Variants in CACNA2D4 observed in about 807,000 individuals in gnomAD.
CACNA2D4 encodes the protein calcium voltage-gated channel auxiliary subunit alpha2delta 4, also known as voltage-dependent calcium channel subunit alpha-2/delta-4.
A neutral mutation model predicts 163.8 loss-of-function variants in CACNA2D4; 157 were observed. The observed-to-expected ratio is 0.96, with a 90% CI of 0.84 to 1.09. The LOEUF is 1.09. Ranked by LOEUF, CACNA2D4 falls within the 50% of genes least tolerant of loss-of-function variation. The pLI is 0.00. For missense variants in CACNA2D4, 1,410 were observed against 1,479.9 expected (o/e 0.95, Z 0.78); for synonymous variants, 598 against 586.9 (o/e 1.02, Z -0.27).
chr12:1,810,836 A>G (rs570142635), intron 27 of CACNA2D4, among the ~76,000 whole-genome samples: 179 of 152,198 alleles, frequency 1.2e-3, no homozygotes, highest in African/African-American at 4.2e-3. Flanking sequence ...TGGAGGGCAC[A>G]TGCGTGTGGT....
chr12:1,805,063 G>A (rs1421717348), intron 29 of CACNA2D4, among the ~76,000 whole-genome samples: 1 of 152,176 alleles, frequency 6.6e-6, no homozygotes, highest in Non-Finnish European at 1.5e-5. Flanking sequence ...GGCACCCAAA[G>A]CATAGCACGA....
intron 35 of CACNA2D4, among the ~76,000 whole-genome samples, chr12:1,796,826 G>T (rs1431786077): frequency 6.6e-6 from 1 of 152,194 alleles, no homozygotes; most frequent in Non-Finnish European, 1.5e-5. Context: ...TGGGTGCGGG[G>T]GGTCAGCAGG....
chr12:1,817,333 C>T (rs907017918), intron 26 of CACNA2D4, among the ~76,000 whole-genome samples: 18 of 152,166 alleles, frequency 1.2e-4, no homozygotes, highest in African/African-American at 4.3e-4. Context: ...TCCCCTGATG[C>T]CCAGTCTTGA....
At chr12:1,821,700 A>T (rs187932022) in intron 26 of CACNA2D4, among the ~76,000 whole-genome samples, 1 of 152,282 alleles carries the variant, frequency 6.6e-6, no homozygotes. Flanking sequence ...AGAGCGGGAC[A>T]GTTGCTCTCA....
chr12:1,804,775 C>G (rs866528591), intron 29 of CACNA2D4, among the ~76,000 whole-genome samples: 3 of 152,374 alleles, frequency 2.0e-5, no homozygotes, highest in Admixed American at 6.5e-5. Flanking sequence ...GAAGTGGACT[C>G]GAAGGCAGGA....
intron 23 of CACNA2D4, among the ~76,000 whole-genome samples, chr12:1,848,044 A>G (rs1322848723): frequency 6.6e-6 from 1 of 152,088 alleles, no homozygotes; most frequent in Non-Finnish European, 1.5e-5. Context: ...CTCTGTCTTT[A>G]TTGAGATATC....
Position 1,900,439 on chromosome 12 carries a change from A to G in CACNA2D4, c.781+7001T>C, listed in dbSNP as rs143614506. Among the ~76,000 whole-genome samples the G allele has an allele frequency of 4.6e-3, 705 of 152,334 alleles. 2 individuals carry two copies. Among genetic ancestry groups the G allele is most frequent in the African/African-American group, 0.016 (681 of 41,580 alleles). On this transcript the variant is annotated intron_variant, in intron 6 of 37. Transcript: ENST00000382722. ...CATGAGCCACTGCACCTGACCAACAAAAAACTTTTAACAACATTCAGAGTT... is the reference window on the plus strand; with the variant it reads ...CATGAGCCACTGCACCTGACCAACAGAAAACTTTTAACAACATTCAGAGTT...
At position 1,800,009 on chromosome 12, in the gene CACNA2D4, C is replaced by G; in HGVS notation, c.2965G>C (p.Gly989Arg). Reference sequence around the variant, plus strand: ...AGCTCCGTGCACTCACCCTCGGCCCCTCTGTCGTACCAGGAGCCCCAGACA... The same window carrying G: ...AGCTCCGTGCACTCACCCTCGGCCCGTCTGTCGTACCAGGAGCCCCAGACA... Reference protein sequence around the residue: ...WSVWGSWYDRGAEAKSVFHHS... With the variant: ...WSVWGSWYDRRAEAKSVFHHS... Residue 989 changes from glycine (G) to arginine (R), a missense_variant, in exon 33 of 38, where the codon GGG (glycine) becomes CGG (arginine). Gly to Arg is a moderately radical substitution (Grantham distance 125). Coordinates refer to ENST00000382722, the MANE Select transcript of CACNA2D4 (RefSeq NM_172364.5). The G allele has an allele frequency of 4.4e-6, 7 of 1,604,512 alleles. No individual in the cohort carries two copies. Among genetic ancestry groups the G allele is most frequent in the Non-Finnish European group, 6.0e-6 (7 of 1,175,798 alleles).
In CACNA2D4 at chr12:1,812,976, T is replaced by C. The variant is rs76299589; in HGVS notation, c.2552-1253A>G. Among the ~76,000 whole-genome samples the C allele has an allele frequency of 6.7e-3, 1,019 of 152,276 alleles. 11 individuals are homozygous for C. The highest frequency in any genetic ancestry group is 0.023 in the African/African-American group (962 of 41,546). ...ATGGCACAGAGATACAGGATTGTGT[T>C]TTTGTTTTTTCACTCTGGAATGATC... is the stretch of plus-strand genomic sequence containing the variant. On this transcript the variant is annotated intron_variant, in intron 26 of 37. Coordinates refer to ENST00000382722, the MANE Select transcript of CACNA2D4 (RefSeq NM_172364.5).
intron 26 of CACNA2D4, among the ~76,000 whole-genome samples, chr12:1,814,699 C>T (rs899708900): frequency 7.9e-5 from 12 of 152,240 alleles, no homozygotes; most frequent in African/African-American, 2.7e-4. Flanking sequence ...TTCCCTCCAT[C>T]TCCACCGTTA....
intron 13 of CACNA2D4, 142 bp from the exon 14 acceptor site, chr12:1,880,023 A>C: frequency 1.7e-6 from 1 of 585,610 alleles, no homozygotes; most frequent in Non-Finnish European, 3.1e-6. Flanking sequence ...AGGAAATCCC[A>C]AATGAGGATT....
chr12:1,894,023 G>A (rs1334952545), intron 6 of CACNA2D4, among the ~76,000 whole-genome samples: 1 of 152,038 alleles, frequency 6.6e-6, no homozygotes, highest in Non-Finnish European at 1.5e-5. Flanking sequence ...CAAGAACAAA[G>A]AGAGAGGACC....
At chr12:1,915,674 T>G (rs1219174667) in intron 1 of CACNA2D4, among the ~76,000 whole-genome samples, 1 of 152,186 alleles carries the variant, frequency 6.6e-6, no homozygotes, top group East Asian at 1.9e-4. Context: ...CCTCACCCTC[T>G]GTGTAGGCAG....
At chr12:1,797,658 T>G (rs1486304457) in intron 34 of CACNA2D4, 123 bp from the exon 35 acceptor site, 21 of 766,406 alleles carry the variant, frequency 2.7e-5, no homozygotes, top group Non-Finnish European at 4.5e-5. Context: ...CCTCAGGCAG[T>G]TCTCAGGACA....
intron 35 of CACNA2D4, 90 bp downstream of exon 35, chr12:1,797,327 TC>T (rs1213258181): frequency 3.2e-6 from 3 of 942,374 alleles, no homozygotes; most frequent in Admixed American, 2.0e-5. Flanking sequence ...TGGAGCCGTT[TC>T]CCGGGGGTTC....
chr12:1,796,149 G>A (rs1051789265), intron 35 of CACNA2D4, among the ~76,000 whole-genome samples: 2 of 152,250 alleles, frequency 1.3e-5, no homozygotes, highest in African/African-American at 4.8e-5. Flanking sequence ...AGGGTGGCGG[G>A]GGCAGGCCCG....
intron 23 of CACNA2D4, among the ~76,000 whole-genome samples, chr12:1,847,909 T>C (rs1865186104): frequency 6.6e-6 from 1 of 152,218 alleles, no homozygotes; most frequent in Admixed American, 6.5e-5. Flanking sequence ...TAAAAAAACC[T>C]GACAATTCAT....
chr12:1,834,910 G>A lies in CACNA2D4; in HGVS notation c.2551+5829C>T, dbSNP rs550648685. 9.1e-5 allele frequency: 100 copies of A among 1,100,486 alleles called. 2 individuals are homozygous for A. In the South Asian group the frequency reaches 1.6e-3, roughly 17 times the overall value. 68.2% of individuals were successfully genotyped at this position (1,100,486 alleles called of 1,614,324 possible). On this transcript the variant is annotated intron_variant, in intron 26 of 37. Coordinates refer to ENST00000382722, the MANE Select transcript of CACNA2D4 (RefSeq NM_172364.5). The surrounding 1 kb of genome is among the most constrained non-coding windows in gnomAD (Gnocchi z 7.6). ...GAGGCTCCCTGAAAGCCACCGTGCT[G>A]GGGGCTCCTGCTGATGCTCCTGTCT...
Position 1,860,130 on chromosome 12 carries a change from G to T in CACNA2D4, c.1940+15C>A, listed in dbSNP as rs114870926. The stretch of plus-strand genomic sequence containing the variant: ...TCAACCCTCACCCCGTGCAAATAAA[G>T]CCTGTGTCCCTCACCTGAAAGGGGT... On this transcript the variant is annotated intron_variant, in intron 19 of 37. Coordinates refer to ENST00000382722, the MANE Select transcript of CACNA2D4 (RefSeq NM_172364.5). The T allele has an allele frequency of 6.2e-7, 1 of 1,607,552 alleles. No homozygotes were observed. The highest frequency in any genetic ancestry group is 1.7e-5 in the Admixed American group (1 of 60,022).
Sources: gnomAD v4.1 joint callset for allele counts (sites outside exome capture counted in the v4.1 genomes callset) on GRCh38, gnomAD v4.1.1 for gene constraint, Gnocchi (gnomAD v3.1) non-coding constraint, MANE v1.5 for transcripts, NCBI Gene and HGNC (gene_info 2026-07-23, HGNC 2026-07-21) for gene names.